Variants in DGKE observed in about 807,000 individuals in gnomAD.
DGKE encodes the protein DAG kinase epsilon.
Under a neutral mutation model 70.0 loss-of-function variants are expected in DGKE, and 53 were observed. The observed-to-expected ratio is 0.76, with a 90% CI of 0.61 to 0.95. The LOEUF is 0.95. Among genes scored for constraint, DGKE ranks in the 40% least tolerant of loss-of-function variants. The pLI, the probability that DGKE is intolerant of heterozygous loss-of-function variation, is 0.00. For missense variants in DGKE, 655 were observed against 706.9 expected, an observed-to-expected ratio of 0.93 and a Z score of 0.83; for synonymous variants, 291 against 257.0, an observed-to-expected ratio of 1.13 and a Z score of -1.27.
At chr17:56,862,303 C>A (rs1402279009) in intron 11 of DGKE, 52 bp downstream of exon 11, 2 of 1,498,632 alleles carry the variant, frequency 1.3e-6, no homozygotes, top group Admixed American at 1.7e-5. Context: ...CAATTCTAAG[C>A]TGTTGATATG....
chr17:56,855,035 T>G (rs980566458), intron 7 of DGKE, among the ~76,000 whole-genome samples: 4 of 152,194 alleles, frequency 2.6e-5, no homozygotes, highest in African/African-American at 9.7e-5. Context: ...TGCTGGAGTT[T>G]CAGTGATGAA....
intron 4 of DGKE, chr17:56,847,690 G>T (rs1195416827): frequency 1.4e-5 from 3 of 221,798 alleles, no homozygotes; most frequent in Admixed American, 5.8e-5. Context: ...TAACCTTCCT[G>T]CACCTCAGTT....
chr17:56,849,285 A>T, intron 7 of DGKE, 53 bp downstream of exon 7: 1 of 1,518,078 alleles, frequency 6.6e-7, no homozygotes, highest in Non-Finnish European at 9.0e-7. Flanking sequence ...TGCACAAGAT[A>T]CGGCACTCTG....
intron 7 of DGKE, among the ~76,000 whole-genome samples, chr17:56,850,264 A>G (rs1367672881): frequency 6.6e-6 from 1 of 152,014 alleles, no homozygotes; most frequent in Admixed American, 6.6e-5. Flanking sequence ...AGCTGGGACC[A>G]CTGGCATGTG....
At chr17:56,859,821 A>C (rs924354317) in intron 9 of DGKE, among the ~76,000 whole-genome samples, 1 of 152,256 alleles carries the variant, frequency 6.6e-6, no homozygotes, top group African/African-American at 2.4e-5. Flanking sequence ...TAGAACTGAT[A>C]AAATAAATAA....
At chr17:56,843,679 A>C (rs1907119726) in intron 2 of DGKE, among the ~76,000 whole-genome samples, 1 of 151,746 alleles carries the variant, frequency 6.6e-6, no homozygotes, top group Admixed American at 6.6e-5. Context: ...CGAACTTGTA[A>C]TCCCAGCTAC....
At chr17:56,838,872 G>A (rs916464119) in intron 2 of DGKE, 5 of 151,918 alleles carry the variant, frequency 3.3e-5, no homozygotes, top group Non-Finnish European at 7.4e-5. Context: ...TACATGAAAA[G>A]GAAAAAACAT....
rs1908637307 is a variant in DGKE, at chr17:56,868,859, C to G, written c.*6068C>G. The G allele has an allele frequency of 6.6e-6, 1 of 152,178 alleles. No individual in the cohort carries two copies. Among genetic ancestry groups the G allele is most frequent in the South Asian group, 2.1e-4 (1 of 4,830 alleles). The allele number at this position is 152,178 out of a possible 1,614,324, so 9.4% of individuals were successfully genotyped here. ...GCATGGCTTTTGTAGCCTAAGAGCA[C>G]AGAATCATACACGTGTGTTAGGAGA... On this transcript the variant is annotated 3_prime_UTR_variant, in exon 12 of 12. Coordinates refer to ENST00000284061, the MANE Select transcript of DGKE (RefSeq NM_003647.3).
At chr17:56,850,119 C>CTTT (rs904906788) in intron 7 of DGKE, among the ~76,000 whole-genome samples, 1 of 143,536 alleles carries the variant, frequency 7.0e-6, no homozygotes. Context: ...TACATCTTTT[C>CTTT]TTTTTTTTTT....
chr17:56,862,121 TTTC>T lies in DGKE; in HGVS notation c.1413-16_1413-14del. 6.2e-7 allele frequency: 1 copy of T among 1,612,184 alleles called. No homozygotes were observed. Among genetic ancestry groups the T allele is most frequent in the Non-Finnish European group, 8.5e-7 (1 of 1,178,422 alleles). On this transcript the variant is annotated splice_polypyrimidine_tract_variant and intron_variant, in intron 10 of 11. Coordinates refer to ENST00000284061, the MANE Select transcript of DGKE (RefSeq NM_003647.3). ...TTTTATTGCATCATATAATCCATATTTTCTTTTTCCAATTTTAGGCATGACGAT... is the reference window on the plus strand; with the variant it reads ...TTTTATTGCATCATATAATCCATATTTTTTTCCAATTTTAGGCATGACGAT...
rs6503775 is a variant in DGKE, at chr17:56,847,901, G to T, written c.745-21G>T. 1,331,662 of 1,516,636 alleles carry T rather than the reference G, an allele frequency of 0.88. 586,100 individuals are homozygous for T. Among genetic ancestry groups the T allele is most frequent in the East Asian group, 0.92 (38,234 of 41,716 alleles). The allele number at this position is 1,516,636 out of a possible 1,614,324, so 93.9% of individuals were successfully genotyped here. ...GGAAAATGTTGGATAAAAATAATTT[G>T]TCTTTTTCTTTTGTTTCTAGGTTTT... On this transcript the variant is annotated intron_variant, in intron 4 of 11. Coordinates refer to ENST00000284061, the MANE Select transcript of DGKE (RefSeq NM_003647.3).
intron 2 of DGKE, among the ~76,000 whole-genome samples, chr17:56,842,057 T>A (rs1907016432): frequency 1.3e-5 from 2 of 152,146 alleles, no homozygotes; most frequent in Non-Finnish European, 2.9e-5. Flanking sequence ...AACCATGTTT[T>A]AAAAAAATTG....
chr17:56,862,575 G>A, intron 11 of DGKE, 37 bp from the exon 12 acceptor site: 1 of 1,457,160 alleles, frequency 6.9e-7, no homozygotes, highest in Non-Finnish European at 9.0e-7. Flanking sequence ...AATTTGGGGG[G>A]ACTGACTTTT....
chr17:56,856,030 T>G (rs1218384126), intron 7 of DGKE, among the ~76,000 whole-genome samples: 1 of 147,634 alleles, frequency 6.8e-6, no homozygotes, highest in African/African-American at 2.5e-5. Flanking sequence ...AAGGCTAAAT[T>G]GAGAAGAGGT....
At chr17:56,859,758 A>T (rs1908182423) in intron 9 of DGKE, among the ~76,000 whole-genome samples, 1 of 152,224 alleles carries the variant, frequency 6.6e-6, no homozygotes, top group African/African-American at 2.4e-5. Context: ...TTGATTCCAA[A>T]AAGAATCTGT....
chr17:56,835,239 A>C lies in DGKE; in HGVS notation c.444A>C (p.Gln148His), dbSNP rs1906528669. The stretch of plus-strand genomic sequence containing the variant: ...TTTGCAAGCAGCAGTGTGGCTGTCA[A>C]CCCAAGCTTTGCGATTACAGGTATG... ...CMVCKQQCGCQPKLCDYRCIW... is the reference protein window; with the variant it reads ...CMVCKQQCGCHPKLCDYRCIW... The change falls in exon 2 of 12, where the codon CAA (glutamine) becomes CAC (histidine). Residue 148 changes from glutamine to histidine, a missense_variant. Coordinates refer to ENST00000284061, the MANE Select transcript of DGKE (RefSeq NM_003647.3). The C allele has an allele frequency of 6.2e-7, 1 of 1,611,866 alleles. No individual in the cohort carries two copies. Among genetic ancestry groups the C allele is most frequent in the Non-Finnish European group, 8.5e-7 (1 of 1,179,424 alleles).
chr17:56,836,454 A>G (rs1024948809), intron 2 of DGKE: 3 of 152,206 alleles, frequency 2.0e-5, no homozygotes, highest in Non-Finnish European at 4.4e-5. Context: ...CTTTAAATAA[A>G]TTTCATAATG....
At chr17:56,855,967 C>G (rs771267806) in intron 7 of DGKE, among the ~76,000 whole-genome samples, 16 of 145,424 alleles carry the variant, frequency 1.1e-4, no homozygotes, top group Non-Finnish European at 2.2e-4. Flanking sequence ...GATCGCGCCA[C>G]TGCATTCCAG....
intron 8 of DGKE, 151 bp downstream of exon 8, chr17:56,856,776 C>CTT (rs887078129): frequency 1.6e-4 from 124 of 788,224 alleles, no homozygotes; most frequent in Non-Finnish European, 1.9e-4. Flanking sequence ...CAAATTAGAT[C>CTT]TTTTTTTTTT....
Sources: gnomAD v4.1 joint callset for allele counts (sites outside exome capture counted in the v4.1 genomes callset) on GRCh38, gnomAD v4.1.1 for gene constraint, MANE v1.5 for transcripts, NCBI Gene and HGNC (gene_info 2026-07-23, HGNC 2026-07-21) for gene names.